Variants in FAM184B observed in about 807,000 individuals in gnomAD.
The protein encoded by FAM184B is protein FAM184B.
FAM184B carries 111 observed loss-of-function variants against 135.9 expected under a neutral mutation model. The observed-to-expected ratio is 0.82, with a 90% confidence interval of 0.70 to 0.96. The LOEUF (loss-of-function observed/expected upper bound fraction) is 0.96. Ranked by LOEUF, FAM184B falls within the 40% of genes least tolerant of loss-of-function variation. FAM184B has a pLI of 0.00. For missense variants in FAM184B, 1,375 were observed against 1,323.9 expected, an observed-to-expected ratio of 1.04 and a Z score of -0.60; for synonymous variants, 552 against 524.8, an observed-to-expected ratio of 1.05 and a Z score of -0.71.
intron 11 of FAM184B, among the ~76,000 whole-genome samples, chr4:17,649,985 G>A (rs1715570741): frequency 6.6e-6 from 1 of 150,906 alleles, no homozygotes; most frequent in Non-Finnish European, 1.5e-5. Context: ...CCACCCATTG[G>A]TTGCCCACCC....
intron 2 of FAM184B, 56 bp downstream of exon 2, chr4:17,708,836 A>G (rs1717179996): frequency 4.1e-6 from 6 of 1,453,674 alleles, no homozygotes; most frequent in Non-Finnish European, 5.5e-6. Context: ...CAGGTTCACA[A>G]TAAGCAGCCC....
chr4:17,657,552 C>T (rs919111135), intron 10 of FAM184B, among the ~76,000 whole-genome samples: 1 of 152,102 alleles, frequency 6.6e-6, no homozygotes, highest in Non-Finnish European at 1.5e-5. Flanking sequence ...AGGTAGAAGG[C>T]GCTGGATGAA....
chr4:17,708,562 T>A (rs571149629), intron 2 of FAM184B, among the ~76,000 whole-genome samples: 9 of 149,842 alleles, frequency 6.0e-5, no homozygotes, highest in Non-Finnish European at 3.0e-5. Context: ...GGAGAATTGC[T>A]TGAACCTGGG....
intron 13 of FAM184B, among the ~76,000 whole-genome samples, chr4:17,640,345 A>C (rs1023541389): frequency 2.7e-5 from 4 of 149,846 alleles, no homozygotes; most frequent in Non-Finnish European, 5.9e-5. Context: ...TTAGCTGGGC[A>C]TGGTGGTGTC....
At chr4:17,742,156 AT>A (rs1718058932) in intron 1 of FAM184B, among the ~76,000 whole-genome samples, 1 of 61,144 alleles carries the variant, frequency 1.6e-5, no homozygotes. Flanking sequence ...ATATATATAT[AT>A]ATATATATAT....
intron 5 of FAM184B, among the ~76,000 whole-genome samples, chr4:17,700,178 T>C (rs1716953171): frequency 6.6e-6 from 1 of 152,044 alleles, no homozygotes; most frequent in South Asian, 2.1e-4. Flanking sequence ...AAAAACAAGA[T>C]GGTACACTTA....
At chr4:17,755,665 C>T (rs1292977843) in intron 1 of FAM184B, among the ~76,000 whole-genome samples, 2 of 152,144 alleles carry the variant, frequency 1.3e-5, no homozygotes, top group African/African-American at 4.8e-5. Flanking sequence ...ACCCAAATGC[C>T]CATCAATGAT....
intron 1 of FAM184B, among the ~76,000 whole-genome samples, chr4:17,765,992 A>G (rs79018155): frequency 0.025 from 3,816 of 152,232 alleles, 135 homozygotes; most frequent in African/African-American, 0.077. Flanking sequence ...CGGCAGGTTC[A>G]TGATCTAACT....
At chr4:17,732,533 C>T (rs1266297587) in intron 1 of FAM184B, among the ~76,000 whole-genome samples, 3 of 152,158 alleles carry the variant, frequency 2.0e-5, no homozygotes, top group Non-Finnish European at 4.4e-5. Flanking sequence ...GAAATACAAA[C>T]TACCATTAGA....
intron 2 of FAM184B, 36 bp from the exon 3 acceptor site, chr4:17,707,820 T>C (rs758567704): frequency 7.5e-5 from 117 of 1,550,950 alleles, no homozygotes; most frequent in Non-Finnish European, 9.4e-5. Context: ...TCTCTGGTTA[T>C]AGCTCTGTAT....
intron 15 of FAM184B, 95 bp from the exon 16 acceptor site, chr4:17,635,208 G>A: frequency 1.1e-6 from 1 of 948,876 alleles, no homozygotes; most frequent in Non-Finnish European, 1.6e-6. Context: ...AATAGAGAAG[G>A]AAAGTCCAGG....
intron 1 of FAM184B, among the ~76,000 whole-genome samples, chr4:17,722,340 G>C (rs974472634): frequency 6.6e-6 from 1 of 152,176 alleles, no homozygotes; most frequent in African/African-American, 2.4e-5. Flanking sequence ...TGAGAGGCCT[G>C]GGGAGAGCAG....
chr4:17,727,179 C>T (rs1717661700), intron 1 of FAM184B, among the ~76,000 whole-genome samples: 2 of 152,110 alleles, frequency 1.3e-5, no homozygotes, highest in African/African-American at 2.4e-5. Flanking sequence ...GGAGACAGAA[C>T]AAAAGATTAA....
rs1227382939 is a variant in FAM184B at position 17,630,719 on chromosome 4, G to A, written c.*1813C>T. ...GCATTTAAAAATGCATTGGAGCCTC[G>A]TTTTGATTAGGCAGTAAATTTACCT... On this transcript the variant is annotated 3_prime_UTR_variant, in exon 18 of 18. Coordinates refer to ENST00000265018, the MANE Select transcript of FAM184B (RefSeq NM_015688.2). The A allele has an allele frequency of 6.6e-6, 1 of 151,852 alleles. No individual in the cohort carries two copies. The highest frequency in any genetic ancestry group is 6.6e-5 in the Admixed American group (1 of 15,258). The allele number at this position is 151,852 out of a possible 1,614,324, so 9.4% of individuals were successfully genotyped here.
At chr4:17,638,354 A>AT (rs11397589) in intron 14 of FAM184B, among the ~76,000 whole-genome samples, 8,758 of 147,774 alleles carry the variant, frequency 0.059, 494 homozygotes, top group African/African-American at 0.15. Flanking sequence ...ATGCCCAGCA[A>AT]TTTTTTTTTT....
chr4:17,716,128 T>C (rs1331769697), intron 1 of FAM184B, among the ~76,000 whole-genome samples: 1 of 152,132 alleles, frequency 6.6e-6, no homozygotes, highest in Non-Finnish European at 1.5e-5. Flanking sequence ...GCTCAAAGAA[T>C]GTTGAGAATG....
intron 12 of FAM184B, among the ~76,000 whole-genome samples, chr4:17,646,340 C>A (rs1439774101): frequency 1.3e-5 from 2 of 152,038 alleles, no homozygotes; most frequent in Non-Finnish European, 2.9e-5. Flanking sequence ...AAGTGTCCAA[C>A]AATGATAGAC....
chr4:17,729,179 A>C (rs1717712635), intron 1 of FAM184B, among the ~76,000 whole-genome samples: 1 of 152,228 alleles, frequency 6.6e-6, no homozygotes, highest in Non-Finnish European at 1.5e-5. Context: ...TCAAACTGCA[A>C]GGTGGCAGCA....
At chr4:17,708,689 A>C (rs1484120680) in intron 2 of FAM184B, among the ~76,000 whole-genome samples, 9 of 51,286 alleles carry the variant, frequency 1.8e-4, no homozygotes, top group Non-Finnish European at 2.8e-4. Flanking sequence ...ATATATATAT[A>C]TATATATATA....
Sources: gnomAD v4.1 joint callset for allele counts (sites outside exome capture counted in the v4.1 genomes callset) on GRCh38, gnomAD v4.1.1 for gene constraint, MANE v1.5 for transcripts, NCBI Gene and HGNC (gene_info 2026-07-23, HGNC 2026-07-21) for gene names.